FRMD4A: variants seen among roughly 807,000 people sequenced by gnomAD.
FRMD4A encodes FERM domain-containing protein 4A.
In FRMD4A, 29 loss-of-function variants were observed where a neutral mutation model predicts 129.1. The ratio of observed to expected loss-of-function variants is 0.22; its 90% CI spans 0.17 to 0.31. The LOEUF (loss-of-function observed/expected upper bound fraction) is 0.31, where lower values mean the gene tolerates loss of function less well. Ranked by LOEUF, FRMD4A falls within the 10% of genes least tolerant of loss-of-function variation. FRMD4A has a pLI of 1.00. For missense variants in FRMD4A, 1,272 were observed against 1,375.8 expected, an observed-to-expected ratio of 0.92 and a Z score of 1.19; for synonymous variants, 634 against 571.6, an observed-to-expected ratio of 1.11 and a Z score of -1.56.
At chr10:14,129,956 G>A (rs1028072398) in intron 2 of FRMD4A, among the ~76,000 whole-genome samples, 1 of 152,112 alleles carries the variant, frequency 6.6e-6, no homozygotes, top group Non-Finnish European at 1.5e-5. Flanking sequence ...CTTCCCTGTG[G>A]TGGCCCTCTT....
In FRMD4A at chr10:13,734,161, T is replaced by A. The variant is rs117206173; in HGVS notation, c.759+3683A>T. ...TGCCCTCCTTCTCTCATGGCCTCCC[T>A]CTTCCGCCTACAGGTGATGAGTAAC... On this transcript the variant is annotated intron_variant, in intron 12 of 24. Coordinates refer to ENST00000357447, the MANE Select transcript of FRMD4A (RefSeq NM_018027.5). 1.7e-3 allele frequency among the ~76,000 whole-genome samples: 261 copies of A among 152,256 alleles called. 3 individuals are homozygous for A. In the East Asian group the frequency reaches 0.026, roughly 15 times the overall value.
intron 2 of FRMD4A, among the ~76,000 whole-genome samples, chr10:14,107,971 A>G (rs540952778): frequency 1.3e-5 from 2 of 152,326 alleles, no homozygotes; most frequent in Non-Finnish European, 2.9e-5. Context: ...GCAGATTTCC[A>G]GAAGTGGACC....
rs921503106 is a variant in FRMD4A, at chr10:13,972,537, GT to G, written c.46-113626del. ...AAAGGAGGTAAAGTCAACCTATCCC[GT>G]TTTTTTTTTCGCCCCGCATGAGGGG... On this transcript the variant is annotated intron_variant, in intron 2 of 24. Transcript: ENST00000357447. 1.2e-3 allele frequency among the ~76,000 whole-genome samples: 171 copies of G among 148,220 alleles called. 2 individuals carry two copies. The highest frequency in any genetic ancestry group is 3.7e-3 in the African/African-American group (148 of 40,530).
At chr10:13,763,860 C>T (rs1216345585) in intron 6 of FRMD4A, among the ~76,000 whole-genome samples, 6 of 152,020 alleles carry the variant, frequency 3.9e-5, no homozygotes, top group East Asian at 1.9e-4. Context: ...CTCAGCCTCC[C>T]GAGTAGCTGG....
At chr10:13,814,378 C>T (rs1283303309) in intron 3 of FRMD4A, among the ~76,000 whole-genome samples, 1 of 151,522 alleles carries the variant, frequency 6.6e-6, no homozygotes, top group Non-Finnish European at 1.5e-5. Context: ...ATCCTTTAAG[C>T]CCAGAGGCGA....
At chr10:13,971,721 C>T in intron 2 of FRMD4A, 5 of 1,304,406 alleles carry the variant, frequency 3.8e-6, no homozygotes, top group Non-Finnish European at 5.1e-6. Flanking sequence ...ATGTTCCTCA[C>T]TTGGCAGGTC....
intron 2 of FRMD4A, among the ~76,000 whole-genome samples, chr10:13,978,291 TC>T (rs2095549026): frequency 1.3e-5 from 2 of 151,978 alleles, no homozygotes; most frequent in Non-Finnish European, 2.9e-5. Context: ...TGGTGTGCTG[TC>T]CCCCATGCTT....
chr10:13,728,454 G>A (rs2090066641), intron 12 of FRMD4A, among the ~76,000 whole-genome samples: 1 of 12,672 alleles, frequency 7.9e-5, no homozygotes, highest in South Asian at 2.6e-3. Flanking sequence ...GAAACTCACC[G>A]AGTCTGACTT....
At chr10:14,084,911 C>T (rs1588940484) in intron 2 of FRMD4A, among the ~76,000 whole-genome samples, 1 of 152,328 alleles carries the variant, frequency 6.6e-6, no homozygotes, top group East Asian at 1.9e-4. Flanking sequence ...GGTGCTTCCC[C>T]GCATGGCCCT....
At chr10:13,844,096 T>C (rs78368314) in intron 3 of FRMD4A, among the ~76,000 whole-genome samples, 2,346 of 152,284 alleles carry the variant, frequency 0.015, 59 homozygotes, top group African/African-American at 0.053. Context: ...GTGTGTGTTA[T>C]ATGAATGCGT....
At chr10:13,654,597 A>T in intron 22 of FRMD4A, 85 bp from the exon 23 acceptor site, 1 of 823,336 alleles carries the variant, frequency 1.2e-6, no homozygotes, top group South Asian at 1.6e-5. Flanking sequence ...GGCTGACACC[A>T]ACCCAGTGGC....
At chr10:14,125,660 C>G (rs116312338) in intron 2 of FRMD4A, among the ~76,000 whole-genome samples, 3,450 of 152,254 alleles carry the variant, frequency 0.023, 126 homozygotes, top group African/African-American at 0.076. Context: ...GTATCTACCA[C>G]TGACTATGGA....
At chr10:13,791,783 G>A (rs75468814) in intron 5 of FRMD4A, among the ~76,000 whole-genome samples, 1 of 152,192 alleles carries the variant, frequency 6.6e-6, no homozygotes, top group South Asian at 2.1e-4. Flanking sequence ...TGCTACAGCT[G>A]GGATGATGGT....
intron 3 of FRMD4A, among the ~76,000 whole-genome samples, chr10:13,846,926 A>G (rs1303170422): frequency 2.0e-5 from 3 of 152,222 alleles, no homozygotes; most frequent in Non-Finnish European, 4.4e-5. Context: ...TGCTCTGGTG[A>G]CAATGGGCAC....
intron 2 of FRMD4A, among the ~76,000 whole-genome samples, chr10:14,172,333 T>C (rs1362568087): frequency 6.6e-6 from 1 of 152,118 alleles, no homozygotes; most frequent in Non-Finnish European, 1.5e-5. Flanking sequence ...TATTAGACAA[T>C]ATGATGATCA....
chr10:14,161,040 T>G (rs999260641), intron 2 of FRMD4A, among the ~76,000 whole-genome samples: 1 of 152,142 alleles, frequency 6.6e-6, no homozygotes, highest in African/African-American at 2.4e-5. Flanking sequence ...CTGTAACCTC[T>G]GCCTCCCGGG....
At chr10:13,666,676 A>AC (rs935868802) in intron 17 of FRMD4A, among the ~76,000 whole-genome samples, 1 of 152,028 alleles carries the variant, frequency 6.6e-6, no homozygotes, top group African/African-American at 2.4e-5. Flanking sequence ...AGTGACTGTC[A>AC]CTTCCTTTCC....
intron 3 of FRMD4A, among the ~76,000 whole-genome samples, chr10:13,840,008 G>A (rs1245633288): frequency 6.6e-6 from 1 of 152,196 alleles, no homozygotes; most frequent in Non-Finnish European, 1.5e-5. Context: ...GCTGTCTCAG[G>A]ATGCTCTGTG....
chr10:14,008,783 C>G (rs77232702), intron 2 of FRMD4A, among the ~76,000 whole-genome samples: 101 of 152,272 alleles, frequency 6.6e-4, no homozygotes, highest in African/African-American at 2.3e-3. Flanking sequence ...ATCATAAATT[C>G]TATCTATAAA....
Sources: gnomAD v4.1 joint callset for allele counts (sites outside exome capture counted in the v4.1 genomes callset) on GRCh38, gnomAD v4.1.1 for gene constraint, MANE v1.5 for transcripts, NCBI Gene and HGNC (gene_info 2026-07-23, HGNC 2026-07-21) for gene names.